The following STON1 variants were observed in gnomAD, a reference collection of about 807,000 sequenced individuals.
The protein encoded by STON1 is stonin-1.
A neutral mutation model predicts 60.9 loss-of-function variants in STON1; 79 were observed. The observed-to-expected ratio is 1.30, with a 90% CI of 1.08 to 1.56. STON1 has a LOEUF of 1.56. Among genes scored for constraint, STON1 ranks in the 40% most tolerant of loss-of-function variants. The pLI, the probability that STON1 is intolerant of heterozygous loss-of-function variation, is 0.00. For synonymous variants in STON1, 363 were observed against 306.9 expected (o/e 1.18, Z -1.91); for missense variants, 1,166 against 858.9 (o/e 1.36, Z -4.47).
At chr2:48,552,295 G>C (rs1443341445) in intron 1 of STON1, among the ~76,000 whole-genome samples, 3 of 152,206 alleles carry the variant, frequency 2.0e-5, no homozygotes, top group African/African-American at 7.2e-5. Flanking sequence ...ACTTAGAGTA[G>C]ACAAATTCAT....
intron 3 of STON1, 77 bp downstream of exon 3, chr2:48,591,932 T>C: frequency 2.6e-6 from 4 of 1,525,066 alleles, no homozygotes; most frequent in Non-Finnish European, 3.5e-6. Context: ...TGATCGTGTA[T>C]GTGTTGTGTG....
Position 48,581,266 on chromosome 2 carries a change from C to A in STON1, c.633C>A (p.Asn211Lys), listed in dbSNP as rs200865903. 4 of 1,518,686 alleles carry A rather than the reference C, an allele frequency of 2.6e-6. No individual in the cohort carries two copies. The East Asian group carries it at 9.1e-5, about 34-fold the overall frequency. 94.1% of individuals were successfully genotyped at this position (1,518,686 alleles called of 1,614,324 possible). ...PGSKKMFSSR[N>K]KEMPIDQKSL... Reference sequence around the variant, plus strand: ...GCAAAAAGATGTTCTCATCAAGAAACAAGGAGATGCCTATTGACCAAAAAA... The same window carrying A: ...GCAAAAAGATGTTCTCATCAAGAAAAAAGGAGATGCCTATTGACCAAAAAA... Residue 211 changes from asparagine to lysine, a missense_variant, in exon 2 of 4, where the codon AAC becomes AAA. Physicochemically the swap from Asn to Lys is moderately conservative, Grantham distance 94. Coordinates refer to ENST00000404752, the MANE Select transcript of STON1 (RefSeq NM_006873.4).
chr2:48,568,034 G>T (rs1231547491), intron 1 of STON1, among the ~76,000 whole-genome samples: 1 of 152,194 alleles, frequency 6.6e-6, no homozygotes, highest in Admixed American at 6.5e-5. Context: ...CATTGTTAGA[G>T]AGCAAAGAAA....
At chr2:48,547,277 A>C (rs1264724778) in intron 1 of STON1, among the ~76,000 whole-genome samples, 1 of 152,230 alleles carries the variant, frequency 6.6e-6, no homozygotes, top group Non-Finnish European at 1.5e-5. Context: ...ATTAGGCTTA[A>C]AGTCAAATGA....
chr2:48,585,415 C>T (rs55858189), intron 2 of STON1, among the ~76,000 whole-genome samples: 49,581 of 151,442 alleles, frequency 0.33, 8,248 homozygotes, highest in East Asian at 0.42. Context: ...ACCCGGCTAA[C>T]TTCTTATATT....
rs980225843 is a variant in STON1, at chr2:48,596,619, T to G, written c.*1317T>G. Reference sequence around the variant, plus strand: ...GATTTGTTTTGAGTCAAAACTGATTTAGTGTTCTTCCAAACAACATTTATG... The same window carrying G: ...GATTTGTTTTGAGTCAAAACTGATTGAGTGTTCTTCCAAACAACATTTATG... On this transcript the variant is annotated 3_prime_UTR_variant, in exon 4 of 4. Coordinates refer to ENST00000404752, the MANE Select transcript of STON1 (RefSeq NM_006873.4). 2 of 152,228 alleles carry G rather than the reference T, an allele frequency of 1.3e-5. No individual in the cohort carries two copies. The highest frequency in any genetic ancestry group is 2.9e-5 in the Non-Finnish European group (2 of 68,046). The allele number at this position is 152,228 out of a possible 1,614,324, so 9.4% of individuals were successfully genotyped here. A position where few individuals can be genotyped will look rare whatever the true frequency, so the allele number is the denominator to read the frequency against.
Position 48,581,294 on chromosome 2 carries a change from C to G in STON1, c.661C>G (p.Leu221Val). 3 of 1,522,042 alleles carry G rather than the reference C, an allele frequency of 2.0e-6. No individual in the cohort carries two copies. The South Asian group carries it at 4.0e-5, about 20-fold the overall frequency. 94.3% of individuals were successfully genotyped at this position (1,522,042 alleles called of 1,614,324 possible). ...GGAGATGCCTATTGACCAAAAAAGC[C>G]TAAATAAGTGTTCACTCAACTATAT... is the stretch of plus-strand genomic sequence containing the variant. ...NKEMPIDQKS[L>V]NKCSLNYICE... Residue 221 changes from leucine (L) to valine (V), a missense_variant, in exon 2 of 4, where the codon CTA (leucine) becomes GTA (valine). Transcript: ENST00000404752.
chr2:48,578,951 T>C (rs938477067), intron 1 of STON1, among the ~76,000 whole-genome samples: 6 of 151,994 alleles, frequency 3.9e-5, no homozygotes, highest in African/African-American at 1.4e-4. Flanking sequence ...TGGTATAAGA[T>C]TACAGTTTAG....
At chr2:48,566,774 C>T (rs1413299776) in intron 1 of STON1, among the ~76,000 whole-genome samples, 2 of 152,200 alleles carry the variant, frequency 1.3e-5, no homozygotes. Context: ...TTGAAACAAA[C>T]ATTGAATTCT....
Position 48,581,220 on chromosome 2 carries a change from T to G in STON1, c.587T>G (p.Phe196Cys). Residue 196 changes from phenylalanine to cysteine, a missense_variant, in exon 2 of 4, where the codon TTC (phenylalanine) becomes TGC (cysteine). Phe to Cys is a radical substitution (Grantham distance 205, BLOSUM62 -2). Transcript: ENST00000404752. The stretch of plus-strand genomic sequence containing the variant: ...AAAGATGAAGGCAGTGATTCCCATT[T>G]CACCCTTGACCCACCAGGAAGCAAA... ...FWKDEGSDSH[F>C]TLDPPGSKKM... The G allele has an allele frequency of 6.6e-7, 1 of 1,521,692 alleles. No homozygotes were observed. The highest frequency in any genetic ancestry group is 8.8e-7 in the Non-Finnish European group (1 of 1,141,340). 94.3% of individuals were successfully genotyped at this position (1,521,692 alleles called of 1,614,324 possible). A position where few individuals can be genotyped will look rare whatever the true frequency, so the allele number is the denominator to read the frequency against.
In STON1 at chr2:48,595,667, A is replaced by G; in HGVS notation, c.*365A>G. ...TGAGGTGCCGTCTTCATTTCTTCCCATCTCTTCTTGCTGCTTAGTGTCTGT... is the reference window on the plus strand; with the variant it reads ...TGAGGTGCCGTCTTCATTTCTTCCCGTCTCTTCTTGCTGCTTAGTGTCTGT... On this transcript the variant is annotated 3_prime_UTR_variant, in exon 4 of 4. Coordinates refer to ENST00000404752, the MANE Select transcript of STON1 (RefSeq NM_006873.4). 3.9e-6 allele frequency: 1 copy of G among 254,686 alleles called. No individual in the cohort carries two copies. Among genetic ancestry groups the G allele is most frequent in the South Asian group, 4.9e-5 (1 of 20,414 alleles). 15.8% of individuals were successfully genotyped at this position (254,686 alleles called of 1,614,324 possible). A position where few individuals can be genotyped will look rare whatever the true frequency, so the allele number is the denominator to read the frequency against.
chr2:48,550,524 C>T (rs1369262849), intron 1 of STON1, among the ~76,000 whole-genome samples: 32 of 148,566 alleles, frequency 2.2e-4, no homozygotes, highest in Admixed American at 2.2e-3. Flanking sequence ...AAAAACCCCA[C>T]ATATTTATAG....
intron 1 of STON1, among the ~76,000 whole-genome samples, chr2:48,533,961 G>A (rs919326509): frequency 2.0e-5 from 3 of 151,808 alleles, no homozygotes; most frequent in Non-Finnish European, 4.4e-5. Flanking sequence ...TAGAGATGGG[G>A]TTTCTCCATG....
intron 1 of STON1, among the ~76,000 whole-genome samples, chr2:48,563,674 T>G (rs77577680): frequency 0.049 from 7,221 of 147,830 alleles, 192 homozygotes; most frequent in African/African-American, 0.065. Flanking sequence ...ACGTGGCTTT[T>G]TTTGTTTGTT....
chr2:48,533,371 C>A (rs568417998), intron 1 of STON1, among the ~76,000 whole-genome samples: 3 of 151,200 alleles, frequency 2.0e-5, no homozygotes, highest in South Asian at 4.2e-4. Context: ...CAGAGCGAGA[C>A]TCCGTCTCAG....
intron 1 of STON1, among the ~76,000 whole-genome samples, chr2:48,554,493 G>A (rs753669913): frequency 7.1e-4 from 108 of 152,172 alleles, no homozygotes; most frequent in Non-Finnish European, 1.2e-3. Context: ...AAAGTGCTAG[G>A]ATTACAGGCG....
intron 3 of STON1, among the ~76,000 whole-genome samples, chr2:48,594,238 A>G (rs1324445889): frequency 1.3e-5 from 2 of 152,120 alleles, no homozygotes; most frequent in Non-Finnish European, 2.9e-5. Flanking sequence ...AACACTAGGT[A>G]TATATATATT....
chr2:48,572,018 C>T (rs1446340852), intron 1 of STON1, among the ~76,000 whole-genome samples: 1 of 152,074 alleles, frequency 6.6e-6, no homozygotes, highest in African/African-American at 2.4e-5. Context: ...CAAAAATTAG[C>T]CTGGCATGGT....
chr2:48,558,785 A>G (rs1025838594), intron 1 of STON1, among the ~76,000 whole-genome samples: 9 of 152,164 alleles, frequency 5.9e-5, no homozygotes, highest in Non-Finnish European at 8.8e-5. Context: ...GCTGCATTTG[A>G]TACTGCTCAT....
Sources: allele counts gnomAD v4.1 joint callset (sites outside exome capture counted in the v4.1 genomes callset), GRCh38; gene constraint gnomAD v4.1.1; transcripts MANE v1.5; gene names NCBI Gene and HGNC (gene_info 2026-07-23, HGNC 2026-07-21).